KIAA0825: variants seen among roughly 807,000 people sequenced by gnomAD.
KIAA0825 encodes the protein uncharacterized protein KIAA0825.
A neutral mutation model predicts 147.6 loss-of-function variants in KIAA0825; 119 were observed. The observed-to-expected ratio is 0.81, with a 90% CI of 0.69 to 0.94. The LOEUF (loss-of-function observed/expected upper bound fraction) is 0.94. Among genes scored for constraint, KIAA0825 ranks in the 40% least tolerant of loss-of-function variants. KIAA0825 has a pLI of 0.00. For missense variants in KIAA0825, 1,381 were observed against 1,472.7 expected, an observed-to-expected ratio of 0.94 and a Z score of 1.02; for synonymous variants, 470 against 518.1, an observed-to-expected ratio of 0.91 and a Z score of 1.26.
intron 20 of KIAA0825, among the ~76,000 whole-genome samples, chr5:94,224,510 ATCTT>A (rs1423758993): frequency 2.0e-5 from 3 of 152,130 alleles, no homozygotes; most frequent in Non-Finnish European, 4.4e-5. Context: ...TAGCACTAAA[ATCTT>A]TCTTCACTAG....
In KIAA0825 at chr5:94,269,628, C is replaced by T. The variant is rs537536391; in HGVS notation, c.3710+114740G>A. Among the ~76,000 whole-genome samples the T allele has an allele frequency of 2.0e-5, 3 of 151,954 alleles. No homozygotes were observed. The East Asian group carries it at 5.8e-4, about 29-fold the overall frequency. ...TTCTTGAAACAAATGAAAATGGAAA[C>T]ACGACATACCAAAACCTATGGGATA... On this transcript the variant is annotated intron_variant, in intron 20 of 20. Coordinates refer to ENST00000682413, the MANE Select transcript of KIAA0825 (RefSeq NM_001145678.3).
intron 5 of KIAA0825, among the ~76,000 whole-genome samples, chr5:94,512,127 T>G (rs1766575014): frequency 4.6e-5 from 7 of 152,172 alleles, no homozygotes. Context: ...CAAAGATGAT[T>G]TTCACAAGAA....
chr5:94,598,924 C>A (rs988822391), intron 1 of KIAA0825, among the ~76,000 whole-genome samples: 2 of 152,090 alleles, frequency 1.3e-5, no homozygotes, highest in African/African-American at 4.8e-5. Context: ...AATAGTGCTG[C>A]AATAAACATG....
At chr5:94,189,529 GT>G (rs914060955) in intron 20 of KIAA0825, among the ~76,000 whole-genome samples, 2 of 151,966 alleles carry the variant, frequency 1.3e-5, no homozygotes, top group African/African-American at 2.4e-5. Context: ...TGAAAAGACT[GT>G]TTTTTTCCTC....
chr5:94,261,962 A>G (rs1776515997), intron 20 of KIAA0825, among the ~76,000 whole-genome samples: 2 of 152,140 alleles, frequency 1.3e-5, no homozygotes, highest in African/African-American at 4.8e-5. Flanking sequence ...TAAAAATGAT[A>G]AAGGAAAATA....
chr5:94,306,233 A>G (rs1262049146), intron 20 of KIAA0825, among the ~76,000 whole-genome samples: 1 of 151,906 alleles, frequency 6.6e-6, no homozygotes, highest in African/African-American at 2.4e-5. Flanking sequence ...TTTCTAGAAA[A>G]TTAATTATAT....
chr5:94,552,326 T>A (rs2152261209), intron 2 of KIAA0825, among the ~76,000 whole-genome samples: 1 of 152,234 alleles, frequency 6.6e-6, no homozygotes, highest in South Asian at 2.1e-4. Flanking sequence ...AGTTGGGGGC[T>A]TCAACATCTC....
chr5:94,484,949 A>G lies in KIAA0825; in HGVS notation c.971-19T>C. 1 of 1,434,912 alleles carries G rather than the reference A, an allele frequency of 7.0e-7. No homozygotes were observed. The highest frequency in any genetic ancestry group is 9.3e-7 in the Non-Finnish European group (1 of 1,073,344). The allele number at this position is 1,434,912 out of a possible 1,614,324, so 88.9% of individuals were successfully genotyped here. ...GTAGTAACTGTGAAAAGAAAAGATC[A>G]ATACTGTCATACATTTTATTTACCT... On this transcript the variant is annotated intron_variant, in intron 5 of 20. Transcript: ENST00000682413.
chr5:94,443,378 A>G (rs1000292045), intron 13 of KIAA0825, among the ~76,000 whole-genome samples: 7 of 151,838 alleles, frequency 4.6e-5, no homozygotes, highest in African/African-American at 1.7e-4. Flanking sequence ...ACACACACAC[A>G]CACACGTATG....
chr5:94,443,336 T>TTAAA (rs138365369), intron 13 of KIAA0825, among the ~76,000 whole-genome samples: 41 of 145,530 alleles, frequency 2.8e-4, no homozygotes, highest in African/African-American at 9.3e-4. Flanking sequence ...AAGGGAAATT[T>TTAAA]TATATATATA....
At chr5:94,426,843 A>G (rs1754950914) in intron 14 of KIAA0825, among the ~76,000 whole-genome samples, 1 of 152,324 alleles carries the variant, frequency 6.6e-6, no homozygotes, top group East Asian at 1.9e-4. Flanking sequence ...GTAAAATATC[A>G]TGTATCAATT....
intron 1 of KIAA0825, among the ~76,000 whole-genome samples, chr5:94,585,784 T>C (rs924762105): frequency 5.3e-5 from 8 of 152,118 alleles, no homozygotes; most frequent in African/African-American, 1.4e-4. Context: ...AACCCCATAA[T>C]TGGAAGTAAA....
chr5:94,616,766 T>G (rs1244167113), intron 1 of KIAA0825, among the ~76,000 whole-genome samples: 2 of 152,222 alleles, frequency 1.3e-5, no homozygotes, highest in African/African-American at 4.8e-5. Flanking sequence ...CTGCATTATT[T>G]AGATGTCAAA....
intron 20 of KIAA0825, among the ~76,000 whole-genome samples, chr5:94,205,907 GT>G (rs978272397): frequency 1.3e-5 from 2 of 151,648 alleles, no homozygotes; most frequent in South Asian, 2.1e-4. Context: ...TTGTATTAAG[GT>G]TTTTTTTCCG....
chr5:94,499,585 TG>T (rs34401680), intron 5 of KIAA0825, among the ~76,000 whole-genome samples: 33,492 of 69,666 alleles, frequency 0.48, 6,287 homozygotes, highest in East Asian at 0.55. Flanking sequence ...TTTCCCAATC[TG>T]GGGGGGGGGG....
Position 94,418,515 on chromosome 5 carries a change from C to T in KIAA0825, c.2498-1150G>A, listed in dbSNP as rs549927983. On this transcript the variant is annotated intron_variant, in intron 14 of 20. Coordinates refer to ENST00000682413, the MANE Select transcript of KIAA0825 (RefSeq NM_001145678.3). The stretch of plus-strand genomic sequence containing the variant: ...TTCGATTATTTGGTTCAGGTGAAGC[C>T]GACACTATCATCTGGAGTGGGCACA... 6.0e-5 allele frequency among the ~76,000 whole-genome samples: 9 copies of T among 150,686 alleles called. No homozygotes were observed. The East Asian group carries it at 9.8e-4, about 16-fold the overall frequency.
At chr5:94,397,052 C>T (rs566901366) in intron 16 of KIAA0825, among the ~76,000 whole-genome samples, 1 of 152,262 alleles carries the variant, frequency 6.6e-6, no homozygotes, top group East Asian at 1.9e-4. Context: ...CCAAGACCCT[C>T]TCTTTTGGGG....
intron 5 of KIAA0825, among the ~76,000 whole-genome samples, chr5:94,504,802 C>A (rs1182702097): frequency 4.8e-5 from 7 of 146,862 alleles, no homozygotes; most frequent in African/African-American, 1.8e-4. Context: ...GGCTAGAGCG[C>A]AGTGGCGTAA....
intron 1 of KIAA0825, among the ~76,000 whole-genome samples, chr5:94,603,569 T>C (rs974938007): frequency 6.6e-5 from 10 of 152,102 alleles, no homozygotes; most frequent in Non-Finnish European, 2.9e-5. Flanking sequence ...AATTCACATA[T>C]AACAATATCA....
Sources: allele counts gnomAD v4.1 joint callset (sites outside exome capture counted in the v4.1 genomes callset), GRCh38; gene constraint gnomAD v4.1.1; transcripts MANE v1.5; gene names NCBI Gene and HGNC (gene_info 2026-07-23, HGNC 2026-07-21).